The following MLPH variants were observed in gnomAD, a reference collection of about 807,000 sequenced individuals.
MLPH encodes melanophilin.
Under a neutral mutation model 72.1 loss-of-function variants are expected in MLPH, and 51 were observed. The ratio of observed to expected loss-of-function variants is 0.71; its 90% confidence interval spans 0.56 to 0.89. The LOEUF (loss-of-function observed/expected upper bound fraction) is 0.89. Ranked by LOEUF, MLPH falls within the 40% of genes least tolerant of loss-of-function variation. MLPH has a pLI of 0.00. For synonymous variants in MLPH, 301 were observed against 310.1 expected (o/e 0.97, Z 0.31); for missense variants, 743 against 759.9 (o/e 0.98, Z 0.26).
At chr2:237,521,272 C>T (rs1223678061) in intron 6 of MLPH, among the ~76,000 whole-genome samples, 1 of 152,120 alleles carries the variant, frequency 6.6e-6, no homozygotes, top group Non-Finnish European at 1.5e-5. Flanking sequence ...AGGGCTCAGG[C>T]ATTGCTGTAT....
chr2:237,514,747 A>C (rs150583521), intron 4 of MLPH, among the ~76,000 whole-genome samples: 7 of 152,162 alleles, frequency 4.6e-5, no homozygotes, highest in African/African-American at 1.7e-4. Flanking sequence ...CCCCTTTAAA[A>C]CCCTTGACAG....
chr2:237,547,161 G>C (rs575461460), intron 13 of MLPH, among the ~76,000 whole-genome samples: 2 of 152,254 alleles, frequency 1.3e-5, no homozygotes, highest in African/African-American at 2.4e-5. Context: ...CAGGCACAGC[G>C]GGCCCGTGGC....
chr2:237,552,125 C>G (rs1201429250), intron 14 of MLPH: 6 of 536,240 alleles, frequency 1.1e-5, no homozygotes, highest in Non-Finnish European at 2.0e-5. Context: ...AATGCCAGTG[C>G]CAGAGCAAAG....
chr2:237,514,630 C>T (rs1463446940), intron 4 of MLPH, among the ~76,000 whole-genome samples: 1 of 152,188 alleles, frequency 6.6e-6, no homozygotes, highest in Admixed American at 6.5e-5. Context: ...CTGAGGCCCT[C>T]ATTTGGGGCA....
chr2:237,517,653 G>T (rs1357592562), intron 4 of MLPH, among the ~76,000 whole-genome samples: 2 of 151,408 alleles, frequency 1.3e-5, no homozygotes, highest in East Asian at 2.0e-4. Flanking sequence ...AGGTGGAGGG[G>T]TGGATGGGTA....
intron 2 of MLPH, among the ~76,000 whole-genome samples, chr2:237,502,731 G>A (rs897317452): frequency 6.6e-6 from 1 of 152,190 alleles, no homozygotes; most frequent in Admixed American, 6.5e-5. Context: ...TGGTGACGTG[G>A]ATTTGTGATC....
At chr2:237,539,229 T>TG (rs142949680) in intron 9 of MLPH, among the ~76,000 whole-genome samples, 1 of 149,434 alleles carries the variant, frequency 6.7e-6, no homozygotes, top group Non-Finnish European at 1.5e-5. Context: ...GTTGTGGAGG[T>TG]GGGGGTGAGG....
rs537444434 is a variant in MLPH at position 237,510,139 on chromosome 2, G to C, written c.111-435G>C. The C allele has an allele frequency of 3.5e-6, 1 of 286,910 alleles. No individual in the cohort carries two copies. The highest frequency in any genetic ancestry group is 3.7e-5 in the South Asian group (1 of 26,902). The allele number at this position is 286,910 out of a possible 1,614,324, so 17.8% of individuals were successfully genotyped here. On this transcript the variant is annotated intron_variant, in intron 2 of 15. Coordinates refer to ENST00000264605, the MANE Select transcript of MLPH (RefSeq NM_024101.7). The surrounding 1 kb of genome is among the most constrained non-coding windows in gnomAD (Gnocchi z 4.4). Reference sequence around the variant, plus strand: ...GCCATTTCAGCTGCGCTCTAGAGGAGCAAACCTGGGGCGTTAGCTCAACTC... The same window carrying C: ...GCCATTTCAGCTGCGCTCTAGAGGACCAAACCTGGGGCGTTAGCTCAACTC...
intron 8 of MLPH, among the ~76,000 whole-genome samples, chr2:237,528,961 A>G (rs914360709): frequency 3.3e-5 from 5 of 152,166 alleles, no homozygotes; most frequent in African/African-American, 1.2e-4. Flanking sequence ...ATGAAAATAT[A>G]TATTTTATAC....
chr2:237,542,736 G>C (rs528120662), intron 12 of MLPH, 77 bp downstream of exon 12: 38 of 933,604 alleles, frequency 4.1e-5, no homozygotes, highest in East Asian at 3.4e-4. Context: ...TGGTGAGTGG[G>C]GGACAGTGGT....
intron 13 of MLPH, 127 bp from the exon 14 acceptor site, chr2:237,549,094 G>A: frequency 2.5e-6 from 2 of 790,960 alleles, no homozygotes; most frequent in South Asian, 3.0e-5. Context: ...TTCAAATATT[G>A]CTAGAGAGCA....
chr2:237,510,407 TG>T lies in MLPH; in HGVS notation c.111-166del. On this transcript the variant is annotated intron_variant, in intron 2 of 15. Transcript: ENST00000264605. This position sits in a 1 kb window ranked among gnomAD's most constrained non-coding sequence, Gnocchi z 4.4. Reference sequence around the variant, plus strand: ...GCTCAGCCCTCAAAACAAAGATGCCTGTGTGGCTTTGCCCAACGTTGGGTCA... The same window carrying T: ...GCTCAGCCCTCAAAACAAAGATGCCTTGTGGCTTTGCCCAACGTTGGGTCA... 1 of 741,410 alleles carries T rather than the reference TG, an allele frequency of 1.3e-6. No individual in the cohort carries two copies. The highest frequency in any genetic ancestry group is 2.4e-6 in the Non-Finnish European group (1 of 419,504). 45.9% of individuals were successfully genotyped at this position (741,410 alleles called of 1,614,324 possible).
chr2:237,500,932 C>T (rs148072765), intron 2 of MLPH, among the ~76,000 whole-genome samples: 60 of 152,286 alleles, frequency 3.9e-4, no homozygotes, highest in African/African-American at 1.3e-3. Context: ...CCTCCACCCT[C>T]ACCGTCTTGT....
chr2:237,533,289 CT>C (rs2080460384), intron 8 of MLPH, among the ~76,000 whole-genome samples: 2 of 151,098 alleles, frequency 1.3e-5, no homozygotes, highest in African/African-American at 4.9e-5. Flanking sequence ...TGCAGAGAGG[CT>C]TTTTAGCCAT....
rs1375327175 is a variant in MLPH at position 237,554,794 on chromosome 2, C to A, written c.*1202C>A. On this transcript the variant is annotated 3_prime_UTR_variant, in exon 16 of 16. Coordinates refer to ENST00000264605, the MANE Select transcript of MLPH (RefSeq NM_024101.7). ...AAGACACTTCCAGGAGCTTTCCAAT[C>A]TCTCACTTAAAACTAAGGTTTGAAT... 1 of 152,172 alleles carries A rather than the reference C, an allele frequency of 6.6e-6. No homozygotes were observed. The highest frequency in any genetic ancestry group is 1.5e-5 in the Non-Finnish European group (1 of 68,030). The allele number at this position is 152,172 out of a possible 1,614,324, so 9.4% of individuals were successfully genotyped here.
intron 6 of MLPH, among the ~76,000 whole-genome samples, chr2:237,525,044 G>A (rs79330112): frequency 0.013 from 1,998 of 152,306 alleles, 22 homozygotes; most frequent in Non-Finnish European, 0.021. Context: ...CTGGAAGGGC[G>A]CTGTGGCATA....
intron 2 of MLPH, among the ~76,000 whole-genome samples, chr2:237,507,744 G>A (rs759361142): frequency 1.9e-4 from 29 of 152,254 alleles, no homozygotes; most frequent in Non-Finnish European, 2.6e-4. Context: ...GAAAGCTTCC[G>A]TTTTATTACT....
At chr2:237,540,645 C>T in intron 10 of MLPH, 112 bp downstream of exon 10, 2 of 1,497,026 alleles carry the variant, frequency 1.3e-6, no homozygotes, top group African/African-American at 2.8e-5. Context: ...CAGGAGCACA[C>T]CAAGGGCCCT....
rs778646412 is a variant in MLPH, at chr2:237,534,582, C to T, written c.1039C>T (p.His347Tyr). The change falls in exon 9 of 16, where the codon CAT becomes TAT. Residue 347 changes from histidine to tyrosine, a missense_variant. Physicochemically the swap from His to Tyr is moderately conservative, Grantham distance 83. Coordinates refer to ENST00000264605, the MANE Select transcript of MLPH (RefSeq NM_024101.7). ...GCTGCAGATCTTTGAGCTGAATAAG[C>T]ATATTTCAGCTGTGGAATGCCTGCT... Reference protein sequence around the residue: ...SESQIFELNKHISAVECLLTY... With the variant: ...SESQIFELNKYISAVECLLTY... 6.2e-6 allele frequency: 10 copies of T among 1,613,408 alleles called. No individual in the cohort carries two copies. The highest frequency in any genetic ancestry group is 2.7e-5 in the African/African-American group (2 of 74,852).
Sources: allele counts gnomAD v4.1 joint callset (sites outside exome capture counted in the v4.1 genomes callset), GRCh38; gene constraint gnomAD v4.1.1; non-coding constraint Gnocchi (gnomAD v3.1); transcripts MANE v1.5; gene names NCBI Gene and HGNC (gene_info 2026-07-23, HGNC 2026-07-21).